Variants in HIF3A observed in about 807,000 individuals in gnomAD.
HIF3A encodes hypoxia inducible factor 3 subunit alpha.
HIF3A carries 41 observed loss-of-function variants against 67.2 expected under a neutral mutation model. The ratio of observed to expected loss-of-function variants is 0.61; its 90% CI spans 0.48 to 0.79. The LOEUF is 0.79. Among genes scored for constraint, HIF3A ranks in the 30% least tolerant of loss-of-function variants. The probability of loss-of-function intolerance (pLI) is 0.00; values close to 1 mark genes in which losing one functional copy is unlikely to be tolerated. For synonymous variants in HIF3A, 356 were observed against 374.8 expected (o/e 0.95, Z 0.58); for missense variants, 855 against 898.0 (o/e 0.95, Z 0.61).
At chr19:46,306,076 C>T (rs1968823698) in intron 3 of HIF3A, among the ~76,000 whole-genome samples, 1 of 151,966 alleles carries the variant, frequency 6.6e-6, no homozygotes, top group South Asian at 2.1e-4. Context: ...AAGACCCAGT[C>T]GCAAACAAAC....
intron 10 of HIF3A, among the ~76,000 whole-genome samples, chr19:46,323,158 C>G (rs1970507678): frequency 6.6e-6 from 1 of 151,900 alleles, no homozygotes; most frequent in Non-Finnish European, 1.5e-5. Flanking sequence ...TCAAGCAATG[C>G]TCCTGCCTCA....
At chr19:46,333,874 A>C in intron 13 of HIF3A, among the ~76,000 whole-genome samples, 3 of 128,124 alleles carry the variant, frequency 2.3e-5, no homozygotes, top group African/African-American at 6.1e-5. Context: ...CTCACTGCAA[A>C]CTCCATCTCC....
At chr19:46,318,548 CA>C (rs908312286) in intron 8 of HIF3A, among the ~76,000 whole-genome samples, 1,801 of 54,028 alleles carry the variant, frequency 0.033, 10 homozygotes, top group Admixed American at 0.066. Context: ...GATCCTGTCT[CA>C]AAAAAAAAAA....
chr19:46,298,446 T>C (rs892029299), intron 1 of HIF3A: 15 of 1,285,680 alleles, frequency 1.2e-5, no homozygotes, highest in Non-Finnish European at 1.5e-5. Context: ...CGCACCCGGG[T>C]CCTGGCTGCA....
chr19:46,310,556 GA>G (rs1250566726), intron 6 of HIF3A: 1 of 454,988 alleles, frequency 2.2e-6, no homozygotes, highest in Non-Finnish European at 4.4e-6. Flanking sequence ...GGTGACTCTG[GA>G]TTCAGCCTGC....
At chr19:46,306,501 T>C (rs1415366744) in intron 3 of HIF3A, 1 of 152,250 alleles carries the variant, frequency 6.6e-6, no homozygotes, top group Non-Finnish European at 1.5e-5. Context: ...CATTTGCATA[T>C]CATCCTTGTG....
intron 11 of HIF3A, 182 bp from the exon 12 acceptor site, chr19:46,329,025 C>A: frequency 2.0e-6 from 1 of 511,278 alleles, no homozygotes; most frequent in Non-Finnish European, 3.4e-6. Flanking sequence ...TGCTTCTGAC[C>A]CAGTTTAGGA....
chr19:46,309,271 C>G lies in HIF3A; in HGVS notation c.682C>G (p.His228Asp). Reference sequence around the variant, plus strand: ...GGTGCTCATCTGCGAAGCCATCCCCCACCCAGGCAGCCTGGAGCCCCCACT... The same window carrying G: ...GGTGCTCATCTGCGAAGCCATCCCCGACCCAGGCAGCCTGGAGCCCCCACT... ...CLVLICEAIP[H>D]PGSLEPPLGR... The change falls in exon 6 of 15, where the codon CAC (histidine) becomes GAC (aspartate). Residue 228 changes from histidine (H) to aspartate (D), a missense_variant. This residue lies in a region of HIF3A where 638 missense variants were observed against 660.5 expected (regional missense o/e 0.97). Transcript: ENST00000377670. 1.2e-6 allele frequency: 2 copies of G among 1,613,826 alleles called. No homozygotes were observed. The highest frequency in any genetic ancestry group is 1.7e-5 in the Admixed American group (1 of 59,994).
At chr19:46,332,256 G>A (rs181062627) in intron 13 of HIF3A, among the ~76,000 whole-genome samples, 202 of 152,272 alleles carry the variant, frequency 1.3e-3, no homozygotes, top group Middle Eastern at 0.01. Flanking sequence ...CCAAAGGGCC[G>A]GGCGCTGTGG....
chr19:46,309,483 C>T, intron 6 of HIF3A, 124 bp downstream of exon 6: 1 of 628,236 alleles, frequency 1.6e-6, no homozygotes, highest in Non-Finnish European at 2.7e-6. Context: ...CTCTCTCTCT[C>T]TTTGTGTGCC....
At chr19:46,331,878 A>C (rs1971258663) in intron 13 of HIF3A, among the ~76,000 whole-genome samples, 1 of 150,772 alleles carries the variant, frequency 6.6e-6, no homozygotes, top group Admixed American at 6.6e-5. Context: ...AAAAAAAGGC[A>C]ATAAGTGCAA....
Position 46,297,187 on chromosome 19 carries a change from G to T in HIF3A, c.26+85G>T. On this transcript the variant is annotated intron_variant, in intron 1 of 14. Transcript: ENST00000377670. This position sits in a 1 kb window ranked among gnomAD's most constrained non-coding sequence, Gnocchi z 4.5. ...TGAGCTGGATTGTTGGGGGGGGTGGGGTTCGCGGGTGCGAGCCAAGAACGC... is the reference window on the plus strand; with the variant it reads ...TGAGCTGGATTGTTGGGGGGGGTGGTGTTCGCGGGTGCGAGCCAAGAACGC... 1 of 734,642 alleles carries T rather than the reference G, an allele frequency of 1.4e-6. No individual in the cohort carries two copies. Among genetic ancestry groups the T allele is most frequent in the Non-Finnish European group, 1.9e-6 (1 of 518,252 alleles). 45.5% of individuals were successfully genotyped at this position (734,642 alleles called of 1,614,324 possible).
At chr19:46,337,078 G>T (rs938863332) in intron 14 of HIF3A, among the ~76,000 whole-genome samples, 6 of 152,122 alleles carry the variant, frequency 3.9e-5, no homozygotes, top group African/African-American at 1.4e-4. Flanking sequence ...CAAGGAAAAA[G>T]GTTTGGAGTA....
Position 46,329,296 on chromosome 19 carries a change from G to T in HIF3A, c.1530G>T (p.Arg510Ser). 3 of 1,613,330 alleles carry T rather than the reference G, an allele frequency of 1.9e-6. No homozygotes were observed. The highest frequency in any genetic ancestry group is 2.5e-6 in the Non-Finnish European group (3 of 1,179,954). The change falls in exon 12 of 15, where the codon AGG (arginine) becomes AGT (serine). Residue 510 changes from arginine to serine, a missense_variant. Arg to Ser is a moderately radical substitution (Grantham distance 110). Coordinates refer to ENST00000377670, the MANE Select transcript of HIF3A (RefSeq NM_152795.4). ...TCAACGCCAGCGAGCAGCTACCCAG[G>T]GCCTACCACAGACCTCTGGGGGCTG... ...FQLNASEQLP[R>S]AYHRPLGAVP...
chr19:46,318,036 A>G (rs1201680820), intron 8 of HIF3A, among the ~76,000 whole-genome samples: 2 of 151,760 alleles, frequency 1.3e-5, no homozygotes, highest in African/African-American at 4.8e-5. Flanking sequence ...GGGTTTCACT[A>G]TGTTGGCCGG....
intron 13 of HIF3A, among the ~76,000 whole-genome samples, chr19:46,333,391 G>A (rs1355176175): frequency 1.3e-5 from 2 of 152,150 alleles, no homozygotes; most frequent in Non-Finnish European, 2.9e-5. Flanking sequence ...GGTGCAGGGC[G>A]GGGTGGTCAC....
At chr19:46,313,206 G>C (rs1427268881) in intron 8 of HIF3A, 1 of 728,380 alleles carries the variant, frequency 1.4e-6, no homozygotes, top group East Asian at 1.3e-4. Context: ...AGCCGAGATT[G>C]CGTCAGTGCA....
intron 8 of HIF3A, among the ~76,000 whole-genome samples, chr19:46,319,915 A>G (rs1970224801): frequency 6.6e-6 from 1 of 151,928 alleles, no homozygotes; most frequent in African/African-American, 2.4e-5. Context: ...GAAGGGACAA[A>G]CTTAACTTTC....
In HIF3A at chr19:46,297,971, T is replaced by C. The variant is rs1399197367; in HGVS notation, c.26+869T>C. ...AGATGGGGTCATCCCGGGCAGAGGG[T>C]GGGTTTCTGGGTTCACTTGCCCAGC... On this transcript the variant is annotated intron_variant, in intron 1 of 14. Transcript: ENST00000377670. The surrounding 1 kb of genome is among the most constrained non-coding windows in gnomAD (Gnocchi z 4.5). Among the ~76,000 whole-genome samples the C allele has an allele frequency of 1.3e-5, 2 of 151,884 alleles. No individual in the cohort carries two copies. The highest frequency in any genetic ancestry group is 4.8e-5 in the African/African-American group (2 of 41,340).
Sources: gnomAD v4.1 joint callset for allele counts (sites outside exome capture counted in the v4.1 genomes callset) on GRCh38, gnomAD v4.1.1 for gene constraint, gnomAD v4.1.1 regional missense constraint, Gnocchi (gnomAD v3.1) non-coding constraint, MANE v1.5 for transcripts, NCBI Gene and HGNC (gene_info 2026-07-23, HGNC 2026-07-21) for gene names.